The following SCML2 variants were observed in gnomAD, a reference collection of about 807,000 sequenced individuals.
SCML2 encodes sex comb on midleg-like protein 2.
SCML2 carries 6 observed loss-of-function variants against 48.4 expected under a neutral mutation model. That is an observed-to-expected ratio of 0.12 (90% CI 0.07 to 0.24). The LOEUF (loss-of-function observed/expected upper bound fraction) is 0.24. Ranked by LOEUF, SCML2 falls within the 10% of genes least tolerant of loss-of-function variation. The pLI is 1.00. For synonymous variants in SCML2, 181 were observed against 189.5 expected, an observed-to-expected ratio of 0.95 and a Z score of 0.37; for missense variants, 377 against 528.2, an observed-to-expected ratio of 0.71 and a Z score of 2.81.
At chrX:18,289,221 GA>G (rs755535834) in intron 7 of SCML2, among the ~76,000 whole-genome samples, 13 of 112,148 alleles carry the variant, frequency 1.2e-4, no homozygotes, top group African/African-American at 4.2e-4. Flanking sequence ...AAGCAAGAAA[GA>G]AAAATCTCCA....
At chrX:18,272,773 TG>T (rs1927502833) in intron 7 of SCML2, among the ~76,000 whole-genome samples, 1 of 111,513 alleles carries the variant, frequency 9.0e-6, no homozygotes, top group Non-Finnish European at 1.9e-5. Flanking sequence ...GATTAGAGAC[TG>T]GGGAAGGCTT....
At chrX:18,257,982 G>A (rs769244796) in intron 10 of SCML2, 62 bp downstream of exon 10, 30 of 628,958 alleles carry the variant, frequency 4.8e-5, no homozygotes, top group Non-Finnish European at 7.1e-5. Flanking sequence ...AGGGAAGGGG[G>A]AAGGGAAGGG....
chrX:18,332,792 C>G (rs752727961), intron 2 of SCML2, among the ~76,000 whole-genome samples: 119 of 108,655 alleles, frequency 1.1e-3, no homozygotes, highest in African/African-American at 3.7e-3. Context: ...CTGAGCAACA[C>G]AGCAAGACCC....
chrX:18,303,935 C>T (rs147783400), intron 7 of SCML2, among the ~76,000 whole-genome samples: 3 of 112,266 alleles, frequency 2.7e-5, no homozygotes, highest in East Asian at 2.8e-4. Flanking sequence ...GCACACTTTG[C>T]GTACTTATTT....
chrX:18,281,042 A>T (rs1313377326), intron 7 of SCML2, among the ~76,000 whole-genome samples: 2 of 112,464 alleles, frequency 1.8e-5, no homozygotes, highest in Non-Finnish European at 3.7e-5. Context: ...ACAACCACAG[A>T]ATATATATCC....
intron 6 of SCML2, 24 bp downstream of exon 6, chrX:18,320,308 A>G: frequency 7.3e-6 from 7 of 963,760 alleles, no homozygotes; most frequent in Non-Finnish European, 1.0e-5. Flanking sequence ...AAAACATGGC[A>G]GCTTTTTATA....
intron 1 of SCML2, among the ~76,000 whole-genome samples, chrX:18,341,689 A>C (rs1296458932): frequency 8.9e-6 from 1 of 111,969 alleles, no homozygotes; most frequent in Admixed American, 9.5e-5. Context: ...GGTTATATAC[A>C]CACAAATTCA....
chrX:18,325,136 A>G (rs2147544492), intron 3 of SCML2, among the ~76,000 whole-genome samples, 159 bp from the exon 4 acceptor site: 1 of 111,281 alleles, frequency 9.0e-6, no homozygotes, highest in East Asian at 2.8e-4. Flanking sequence ...CCTGATCTAC[A>G]TTTCATGACC....
At chrX:18,270,255 T>C (rs1457219356) in intron 7 of SCML2, among the ~76,000 whole-genome samples, 3 of 110,860 alleles carry the variant, frequency 2.7e-5, no homozygotes, top group Non-Finnish European at 5.7e-5. Flanking sequence ...CTCAAACTCC[T>C]GACCTCAGGC....
intron 7 of SCML2, among the ~76,000 whole-genome samples, chrX:18,294,622 C>T (rs770467208): frequency 1.8e-5 from 2 of 110,934 alleles, no homozygotes; most frequent in East Asian, 5.7e-4. Context: ...ACAACCCCTA[C>T]ATCTCCACAT....
At chrX:18,250,031 C>T (rs1161671344) in intron 11 of SCML2, among the ~76,000 whole-genome samples, 1 of 110,940 alleles carries the variant, frequency 9.0e-6, no homozygotes, top group African/African-American at 3.3e-5. Flanking sequence ...GCACCAGCAA[C>T]AACAACAAAC....
At chrX:18,329,278 C>A (rs1009786257) in intron 3 of SCML2, among the ~76,000 whole-genome samples, 1 of 111,015 alleles carries the variant, frequency 9.0e-6, no homozygotes, top group African/African-American at 3.3e-5. Context: ...TTTGGGGGTC[C>A]CAGGGAAGAG....
chrX:18,246,572 C>T lies in SCML2; in HGVS notation c.1822+5G>A, dbSNP rs757368202. The T allele has an allele frequency of 1.7e-6, 2 of 1,187,711 alleles. No homozygotes were observed. The highest frequency in any genetic ancestry group is 1.9e-5 in the South Asian group (1 of 52,507). On this transcript the variant is annotated splice_donor_5th_base_variant and intron_variant, in intron 13 of 14. Transcript: ENST00000251900. ...CACATTGAGAGTCACTATTTTTGAA[C>T]ATACCTTCACTTTTCCTCTGCATTT...
At chrX:18,290,454 C>T (rs1928196058) in intron 7 of SCML2, among the ~76,000 whole-genome samples, 1 of 111,352 alleles carries the variant, frequency 9.0e-6, no homozygotes, top group Non-Finnish European at 1.9e-5. Flanking sequence ...TGGAAGTTTG[C>T]TGCTTGCCCT....
At chrX:18,312,488 TTATAC>T (rs755500192) in intron 6 of SCML2, among the ~76,000 whole-genome samples, 20 of 111,593 alleles carry the variant, frequency 1.8e-4, no homozygotes, top group African/African-American at 5.5e-4. Flanking sequence ...TAAATAGCTG[TTATAC>T]TATATTTTTT....
intron 9 of SCML2, among the ~76,000 whole-genome samples, chrX:18,259,419 T>C (rs928879032): frequency 7.1e-5 from 8 of 112,048 alleles, no homozygotes; most frequent in African/African-American, 1.6e-4. Context: ...AGAAAACTGA[T>C]CAATCTCAGT....
intron 7 of SCML2, among the ~76,000 whole-genome samples, chrX:18,302,224 A>G: frequency 9.0e-6 from 1 of 110,921 alleles, no homozygotes; most frequent in Middle Eastern, 4.6e-3. Context: ...GAAGCCGAGT[A>G]ACCACAGTTT....
At chrX:18,330,980 C>T (rs1431567603) in intron 2 of SCML2, among the ~76,000 whole-genome samples, 3 of 110,778 alleles carry the variant, frequency 2.7e-5, no homozygotes, top group Non-Finnish European at 5.7e-5. Context: ...ATGCATCAGG[C>T]CAGGCGTGGT....
At chrX:18,320,441 G>A in intron 5 of SCML2, 21 bp from the exon 6 acceptor site, 1 of 1,010,657 alleles carries the variant, frequency 9.9e-7, no homozygotes, top group Middle Eastern at 3.1e-4. Flanking sequence ...AAATAAATTA[G>A]GTATCATGAA....
Sources: gnomAD v4.1 joint callset for allele counts (sites outside exome capture counted in the v4.1 genomes callset) on GRCh38, gnomAD v4.1.1 for gene constraint, MANE v1.5 for transcripts, NCBI Gene and HGNC (gene_info 2026-07-23, HGNC 2026-07-21) for gene names.